The following SNTG1 variants were observed in gnomAD, a reference collection of about 807,000 sequenced individuals.
SNTG1 encodes the protein syntrophin gamma 1.
In SNTG1, 39 loss-of-function variants were observed where a neutral mutation model predicts 74.7. The observed-to-expected ratio is 0.52, with a 90% CI of 0.40 to 0.68. The LOEUF is 0.68. Among genes scored for constraint, SNTG1 ranks in the 30% least tolerant of loss-of-function variants. The pLI, the probability that SNTG1 is intolerant of heterozygous loss-of-function variation, is 0.00. For synonymous variants in SNTG1, 254 were observed against 217.1 expected, an observed-to-expected ratio of 1.17 and a Z score of -1.49; for missense variants, 685 against 609.5, an observed-to-expected ratio of 1.12 and a Z score of -1.30.
At chr8:50,619,819 C>A (rs2094909856) in intron 13 of SNTG1, among the ~76,000 whole-genome samples, 1 of 147,324 alleles carries the variant, frequency 6.8e-6, no homozygotes, top group Admixed American at 6.8e-5. Context: ...CTCCTATTAT[C>A]TTTTTCCTTT....
At chr8:49,964,340 A>G (rs1246022891) in intron 1 of SNTG1, among the ~76,000 whole-genome samples, 5 of 152,218 alleles carry the variant, frequency 3.3e-5, no homozygotes, top group Admixed American at 6.5e-5. Context: ...GTCTGCAACT[A>G]GCAGCTGACC....
intron 1 of SNTG1, among the ~76,000 whole-genome samples, chr8:49,926,667 T>C (rs1428371732): frequency 1.3e-5 from 2 of 152,124 alleles, no homozygotes; most frequent in Non-Finnish European, 2.9e-5. Context: ...AAAATATAGA[T>C]GACCTTTGGT....
At chr8:50,738,136 A>G (rs2095533587) in intron 17 of SNTG1, among the ~76,000 whole-genome samples, 1 of 152,180 alleles carries the variant, frequency 6.6e-6, no homozygotes, top group African/African-American at 2.4e-5. Flanking sequence ...TTTGCAGATG[A>G]CATGATTATA....
Position 50,759,606 on chromosome 8 carries a change from A to G in SNTG1, c.1395+7495A>G, listed in dbSNP as rs183059988. Reference sequence around the variant, plus strand: ...CTTGTTTTTGTCAGGTTTGTGAAAGATCAGATGGTTGTAGATGTGTGGTAT... The same window carrying G: ...CTTGTTTTTGTCAGGTTTGTGAAAGGTCAGATGGTTGTAGATGTGTGGTAT... On this transcript the variant is annotated intron_variant, in intron 18 of 18. Transcript: ENST00000642720. Among the ~76,000 whole-genome samples the G allele has an allele frequency of 2.7e-3, 404 of 152,132 alleles. 5 individuals are homozygous for G. The highest frequency in any genetic ancestry group is 8.3e-4 in the South Asian group (4 of 4,824).
intron 12 of SNTG1, among the ~76,000 whole-genome samples, chr8:50,577,430 A>G (rs2094582960): frequency 6.6e-6 from 1 of 151,384 alleles, no homozygotes; most frequent in African/African-American, 2.4e-5. Context: ...TTAGGTTCAT[A>G]AATAATATTG....
In SNTG1 at chr8:49,985,476, T is replaced by C. The variant is rs77315764; in HGVS notation, c.-103+73245T>C. ...AAATCAATATTGAAATCACATTTCTTATTATCTCTGGAGAGGATATTAACA... is the reference window on the plus strand; with the variant it reads ...AAATCAATATTGAAATCACATTTCTCATTATCTCTGGAGAGGATATTAACA... On this transcript the variant is annotated intron_variant, in intron 1 of 18. Transcript: ENST00000642720. Among the ~76,000 whole-genome samples the C allele has an allele frequency of 1.5e-4, 23 of 152,336 alleles. No homozygotes were observed. In the East Asian group the frequency reaches 4.2e-3, roughly 28 times the overall value.
intron 2 of SNTG1, among the ~76,000 whole-genome samples, chr8:50,299,235 G>A (rs1231473678): frequency 6.6e-6 from 1 of 152,080 alleles, no homozygotes; most frequent in Admixed American, 6.6e-5. Flanking sequence ...GGTCAACCAG[G>A]CTGGAATGCA....
intron 1 of SNTG1, among the ~76,000 whole-genome samples, chr8:50,074,969 G>A (rs1051719148): frequency 2.2e-4 from 34 of 152,196 alleles, no homozygotes; most frequent in East Asian, 3.9e-4. Context: ...GCCTGCCGGC[G>A]CCACTGGCCC....
intron 4 of SNTG1, among the ~76,000 whole-genome samples, chr8:50,432,799 T>C (rs1231584243): frequency 6.6e-6 from 1 of 152,108 alleles, no homozygotes; most frequent in African/African-American, 2.4e-5. Context: ...TATTTATTTA[T>C]TCATTTTTTT....
intron 2 of SNTG1, among the ~76,000 whole-genome samples, chr8:50,282,071 A>G (rs575024665): frequency 6.6e-6 from 1 of 152,142 alleles, no homozygotes; most frequent in African/African-American, 2.4e-5. Flanking sequence ...GGTCAGCCTG[A>G]CCATAAACGA....
rs187156802 is a variant in SNTG1, at chr8:50,091,550, G to A, written c.-102-81011G>A. Among the ~76,000 whole-genome samples, 893 of 152,104 alleles carry A rather than the reference G, an allele frequency of 5.9e-3. 29 individuals carry two copies. The highest frequency in any genetic ancestry group is 0.053 in the Admixed American group (806 of 15,248). ...TGAGATCATGCAGCATTGTCTTTCT[G>A]TGCCTGGTTTATTTCAGTAAATAAT... On this transcript the variant is annotated intron_variant, in intron 1 of 18. Coordinates refer to ENST00000642720, the MANE Select transcript of SNTG1 (RefSeq NM_018967.5).
In SNTG1 at chr8:50,266,674, G is replaced by GTATA. The variant is rs1390382487; in HGVS notation, c.-28+94040_-28+94041insATAT. ...TGTGTGTGTGTGTGTGTGTGTGTGT[G>GTATA]TGTGTGTGTGTATATATATATATAT... is the stretch of plus-strand genomic sequence containing the variant. On this transcript the variant is annotated intron_variant, in intron 2 of 18. Coordinates refer to ENST00000642720, the MANE Select transcript of SNTG1 (RefSeq NM_018967.5). Among the ~76,000 whole-genome samples the GTATA allele has an allele frequency of 4.8e-4, 66 of 138,050 alleles. 1 individual carries two copies. Among genetic ancestry groups the GTATA allele is most frequent in the Non-Finnish European group, 7.9e-4 (52 of 65,544 alleles). 90.6% of individuals were successfully genotyped at this position (138,050 alleles called of 152,430 possible). A position where few individuals can be genotyped will look rare whatever the true frequency, so the allele number is the denominator to read the frequency against.
intron 1 of SNTG1, among the ~76,000 whole-genome samples, chr8:50,109,130 T>C (rs1019499582): frequency 6.6e-6 from 1 of 152,124 alleles, no homozygotes; most frequent in Admixed American, 6.6e-5. Context: ...CATCCCACAT[T>C]CCTTTTCTGG....
intron 2 of SNTG1, among the ~76,000 whole-genome samples, chr8:50,239,816 G>A (rs192296577): frequency 6.6e-6 from 1 of 152,260 alleles, no homozygotes; most frequent in African/African-American, 2.4e-5. Flanking sequence ...ATTTATTTCA[G>A]GGATCAGGGG....
chr8:50,047,542 C>T (rs2130856814), intron 1 of SNTG1, among the ~76,000 whole-genome samples: 1 of 152,138 alleles, frequency 6.6e-6, no homozygotes, highest in Non-Finnish European at 1.5e-5. Context: ...ATTACATGAA[C>T]AGAATACATT....
intron 2 of SNTG1, among the ~76,000 whole-genome samples, chr8:50,295,459 A>G (rs1319604588): frequency 6.6e-6 from 1 of 152,142 alleles, no homozygotes; most frequent in East Asian, 1.9e-4. Flanking sequence ...TTTCTTTGAA[A>G]TACGATTTTT....
intron 5 of SNTG1, among the ~76,000 whole-genome samples, chr8:50,447,771 T>TA (rs1165346124): frequency 6.6e-6 from 1 of 151,966 alleles, no homozygotes; most frequent in Non-Finnish European, 1.5e-5. Flanking sequence ...AATGAAAAAA[T>TA]AACATGTTAG....
At chr8:50,660,132 G>A (rs939029395) in intron 15 of SNTG1, among the ~76,000 whole-genome samples, 2 of 151,780 alleles carry the variant, frequency 1.3e-5, no homozygotes, top group African/African-American at 2.4e-5. Flanking sequence ...GAGCCACCGC[G>A]CCAGGGCGAA....
At chr8:50,182,766 T>C (rs16914423) in intron 2 of SNTG1, among the ~76,000 whole-genome samples, 7,192 of 152,056 alleles carry the variant, frequency 0.047, 396 homozygotes, top group South Asian at 0.14. Flanking sequence ...TTGAAAAAAA[T>C]TTATGCAAGC....
Sources: allele counts gnomAD v4.1 joint callset (sites outside exome capture counted in the v4.1 genomes callset), GRCh38; gene constraint gnomAD v4.1.1; transcripts MANE v1.5; gene names NCBI Gene and HGNC (gene_info 2026-07-23, HGNC 2026-07-21).